The following TUB variants were observed in gnomAD, a reference collection of about 807,000 sequenced individuals.
TUB encodes TUB bipartite transcription factor, also known as tubby protein homolog.
A neutral mutation model predicts 59.7 loss-of-function variants in TUB; 33 were observed. That is an observed-to-expected ratio of 0.55 (90% CI 0.42 to 0.74). The LOEUF is 0.74. Among genes scored for constraint, TUB ranks in the 30% least tolerant of loss-of-function variants. The probability of loss-of-function intolerance (pLI) is 0.00; values close to 1 mark genes in which losing one functional copy is unlikely to be tolerated. For missense variants in TUB, 659 were observed against 672.0 expected (o/e 0.98, Z 0.21); for synonymous variants, 293 against 256.4 (o/e 1.14, Z -1.36).
upstream of TUB, among the ~76,000 whole-genome samples, chr11:8,081,172 G>GGGCGA (rs1357297467): frequency 8.7e-4 from 131 of 151,236 alleles, no homozygotes; most frequent in Non-Finnish European, 1.5e-3. Context: ...GGGCGGGGCG[G>GGGCGA]GGCGAGGGAG....
rs541700351 is a variant in TUB, at chr11:8,101,708, T to C, written c.*89T>C. On this transcript the variant is annotated 3_prime_UTR_variant, in exon 12 of 12. Coordinates refer to ENST00000299506, the MANE Select transcript of TUB (RefSeq NM_177972.3). ...GACAGCCCTGCCTATCCTCTGTATA[T>C]AGGCCTTCCGCCAGATGAAGCTTTG... is the stretch of plus-strand genomic sequence containing the variant. 6.6e-6 allele frequency: 10 copies of C among 1,513,982 alleles called. No individual in the cohort carries two copies. Among genetic ancestry groups the C allele is most frequent in the South Asian group, 1.3e-5 (1 of 78,926 alleles). The allele number at this position is 1,513,982 out of a possible 1,614,324, so 93.8% of individuals were successfully genotyped here. A position where few individuals can be genotyped will look rare whatever the true frequency, so the allele number is the denominator to read the frequency against.
rs1944390723 is a variant in TUB, at chr11:8,103,412, T to G, written c.*1793T>G. 1 of 152,292 alleles carries G rather than the reference T, an allele frequency of 6.6e-6. No homozygotes were observed. The highest frequency in any genetic ancestry group is 6.5e-5 in the Admixed American group (1 of 15,292). The allele number at this position is 152,292 out of a possible 1,614,324, so 9.4% of individuals were successfully genotyped here. ...GAAATTTTTTAAAATAGAAGTTGTA[T>G]TTTAAACGTGTTAGGCTTTATAGGT... is the stretch of plus-strand genomic sequence containing the variant. On this transcript the variant is annotated 3_prime_UTR_variant, in exon 12 of 12. Transcript: ENST00000299506.
In TUB at chr11:8,100,961, T is replaced by C; in HGVS notation, c.1351T>C (p.Ser451Pro). Residue 451 changes from serine (S) to proline (P), a missense_variant, in exon 11 of 12, where the codon TCC becomes CCC. Ser to Pro is a moderately conservative substitution (Grantham distance 74). Around this residue, in one of 3 missense-constraint regions of TUB, gnomAD observed 226 missense variants for 210.8 expected, o/e 1.07. Coordinates refer to ENST00000299506, the MANE Select transcript of TUB (RefSeq NM_177972.3). ...CTTCCATGGGCGCGTCACACAGGCC[T>C]CCGTGAAGAACTTCCAGATCATCCA... ...LNFHGRVTQA[S>P]VKNFQIIHGN... 1 of 1,614,164 alleles carries C rather than the reference T, an allele frequency of 6.2e-7. No individual in the cohort carries two copies. The highest frequency in any genetic ancestry group is 8.5e-7 in the Non-Finnish European group (1 of 1,180,038).
rs115591561 is a variant in TUB at position 8,063,031 on chromosome 11, G to A, written c.203+23339G>A. On this transcript the variant is annotated intron_variant, in intron 2 of 12. Transcript: ENST00000305253. ...GGAAGGAAGGCTCAGGAAGGGGTGC[G>A]ACAGAGCATCAGGGCCAGGGACTGC... Among the ~76,000 whole-genome samples the A allele has an allele frequency of 2.5e-3, 380 of 152,334 alleles. 4 individuals are homozygous for A. Among genetic ancestry groups the A allele is most frequent in the African/African-American group, 7.2e-3 (298 of 41,572 alleles).
rs375592650 is a variant in TUB, at chr11:8,101,574, T to C, written c.1476T>C (p.Phe492=). 1.2e-5 allele frequency: 20 copies of C among 1,614,122 alleles called. No homozygotes were observed. Among genetic ancestry groups the C allele is most frequent in the Non-Finnish European group, 1.6e-5 (19 of 1,180,040 alleles). Reference sequence around the variant, plus strand: ...ACCCGCTGTGTGCACTGCAGGCCTTTGCCATTGCCCTGTCCAGCTTCGACA... The same window carrying C: ...ACCCGCTGTGTGCACTGCAGGCCTTCGCCATTGCCCTGTCCAGCTTCGACA... ...YNYPLCALQA[F]AIALSSFDSK... is the part of the protein sequence containing the mutation. Residue 492 remains phenylalanine, a synonymous_variant, in exon 12 of 12, where the codon TTT becomes TTC. Transcript: ENST00000299506.
chr11:8,087,444 C>T (rs1022680127), intron 1 of TUB, among the ~76,000 whole-genome samples: 1 of 152,230 alleles, frequency 6.6e-6, no homozygotes, highest in African/African-American at 2.4e-5. Flanking sequence ...AAAGGGAAGC[C>T]AGCACTGTCT....
In TUB at chr11:8,104,663, G is replaced by T. The variant is rs1944459395; in HGVS notation, c.*3044G>T. On this transcript the variant is annotated 3_prime_UTR_variant, in exon 12 of 12. Transcript: ENST00000299506. ...TTCTGAGTCAGAGGACACCATCCAA[G>T]AATGTTGTTAGCTTTTCAGTTCCCG... The T allele has an allele frequency of 6.6e-6, 1 of 152,224 alleles. No homozygotes were observed. Among genetic ancestry groups the T allele is most frequent in the African/African-American group, 2.4e-5 (1 of 41,456 alleles). The allele number at this position is 152,224 out of a possible 1,614,324, so 9.4% of individuals were successfully genotyped here. A position where few individuals can be genotyped will look rare whatever the true frequency, so the allele number is the denominator to read the frequency against.
chr11:8,045,223 A>G (rs1470914864), intron 2 of TUB, among the ~76,000 whole-genome samples: 1 of 152,110 alleles, frequency 6.6e-6, no homozygotes, highest in Non-Finnish European at 1.5e-5. Context: ...GAATAAACTC[A>G]GGTATGGTTG....
chr11:8,092,650 A>G (rs1049052224), intron 3 of TUB, among the ~76,000 whole-genome samples: 1 of 152,112 alleles, frequency 6.6e-6, no homozygotes, highest in Non-Finnish European at 1.5e-5. Flanking sequence ...AGGACATTTG[A>G]ACATGTGACA....
intron 2 of TUB, among the ~76,000 whole-genome samples, chr11:8,058,241 G>A (rs1589938505): frequency 1.4e-5 from 2 of 146,268 alleles, no homozygotes; most frequent in East Asian, 2.0e-4. Context: ...AAAAAAAGAA[G>A]CGGTATAAAT....
intron 8 of TUB, among the ~76,000 whole-genome samples, 158 bp from the exon 9 acceptor site, chr11:8,098,600 C>T (rs1944112584): frequency 6.6e-6 from 1 of 152,226 alleles, no homozygotes; most frequent in African/African-American, 2.4e-5. Context: ...CACGAAGTGT[C>T]TTCAAAGATG....
rs762660510 is a variant in TUB at position 8,098,816 on chromosome 11, G to T, written c.1057G>T (p.Ala353Ser). The change falls in exon 9 of 12, where the codon GCC becomes TCC. Residue 353 changes from alanine (A) to serine (S), a missense_variant. Around this residue, in one of 3 missense-constraint regions of TUB, gnomAD observed 226 missense variants for 210.8 expected, o/e 1.07. Transcript: ENST00000299506. ...TGACAATGGAGTCAACCCTCAGAAG[G>T]CCTCATCCTCCACTTTGGAAAGTGG... ...VYDNGVNPQKASSSTLESGTL... is the reference protein window; with the variant it reads ...VYDNGVNPQKSSSSTLESGTL... 1.2e-6 allele frequency: 2 copies of T among 1,614,178 alleles called. No individual in the cohort carries two copies. The highest frequency in any genetic ancestry group is 3.3e-5 in the Admixed American group (2 of 60,026).
rs1944380783 is a variant in TUB, at chr11:8,103,205, A to G, written c.*1586A>G. 6.6e-6 allele frequency: 1 copy of G among 151,970 alleles called. No homozygotes were observed. The highest frequency in any genetic ancestry group is 1.5e-5 in the Non-Finnish European group (1 of 68,004). 9.4% of individuals were successfully genotyped at this position (151,970 alleles called of 1,614,324 possible). On this transcript the variant is annotated 3_prime_UTR_variant, in exon 12 of 12. Transcript: ENST00000299506. ...GGGCCTGAGCCTAACTCCCTCCACT[A>G]CCGCTATTTCTCCTTGGATGGCACC...
chr11:8,099,040 T>G (rs1381502147), intron 9 of TUB, among the ~76,000 whole-genome samples, 165 bp downstream of exon 9: 1 of 152,078 alleles, frequency 6.6e-6, no homozygotes, highest in African/African-American at 2.4e-5. Context: ...GGGCTCTGGC[T>G]CTCTCCTCCT....
At chr11:8,086,741 C>A (rs1240372074) in intron 1 of TUB, among the ~76,000 whole-genome samples, 1 of 152,126 alleles carries the variant, frequency 6.6e-6, no homozygotes, top group African/African-American at 2.4e-5. Context: ...CCCCGGTGGC[C>A]GCCCCCCAGC....
rs141517923 is a variant in TUB, at chr11:8,091,359, C to T, written c.253+1128C>T. ...CATGTGTACCCTCCGAGGAAGCCTA[C>T]TCCGTTTCTTCTAACAAAGGCTGGC... is the stretch of plus-strand genomic sequence containing the variant. On this transcript the variant is annotated intron_variant, in intron 3 of 11. Coordinates refer to ENST00000299506, the MANE Select transcript of TUB (RefSeq NM_177972.3). Among the ~76,000 whole-genome samples, 792 of 152,320 alleles carry T rather than the reference C, an allele frequency of 5.2e-3. 9 individuals carry two copies. Among genetic ancestry groups the T allele is most frequent in the African/African-American group, 0.017 (723 of 41,572 alleles).
In TUB at chr11:8,098,865, C is replaced by T. The variant is rs1944125429; in HGVS notation, c.1106C>T (p.Ala369Val). The change falls in exon 9 of 12, where the codon GCT (alanine) becomes GTT (valine). Residue 369 changes from alanine to valine, a missense_variant. By Grantham distance (64) the Ala-to-Val change is moderately conservative (BLOSUM62 0). This residue lies in a region of TUB where 226 missense variants were observed against 210.8 expected (regional missense o/e 1.07). Coordinates refer to ENST00000299506, the MANE Select transcript of TUB (RefSeq NM_177972.3). ...ESGTLRQELA[A>V]VCYETNVLGF... ...GGAACCTTACGTCAGGAGCTGGCAG[C>T]TGTGTGCTACGTGAGTCCTAGGTTC... is the stretch of plus-strand genomic sequence containing the variant. 1 of 1,613,344 alleles carries T rather than the reference C, an allele frequency of 6.2e-7. No individual in the cohort carries two copies. Among genetic ancestry groups the T allele is most frequent in the Non-Finnish European group, 8.5e-7 (1 of 1,179,272 alleles).
At chr11:8,080,608 T>C (rs1943530844), upstream of TUB, among the ~76,000 whole-genome samples, 1 of 152,214 alleles carries the variant, frequency 6.6e-6, no homozygotes, top group Admixed American at 6.5e-5. Context: ...TGTTTGTCTC[T>C]CAAGGCTACT....
At chr11:8,094,901 G>A (rs1431384833) in intron 4 of TUB, among the ~76,000 whole-genome samples, 2 of 152,236 alleles carry the variant, frequency 1.3e-5, no homozygotes, top group Admixed American at 6.5e-5. Flanking sequence ...AGGCGGGCAG[G>A]GTGGCTGCCA....
Sources: gnomAD v4.1 joint callset for allele counts (sites outside exome capture counted in the v4.1 genomes callset) on GRCh38, gnomAD v4.1.1 for gene constraint, gnomAD v4.1.1 regional missense constraint, MANE v1.5 for transcripts, NCBI Gene and HGNC (gene_info 2026-07-23, HGNC 2026-07-21) for gene names.